TBL1X: variants seen among roughly 807,000 people sequenced by gnomAD.
TBL1X encodes transducin beta like 1 X-linked.
Under a neutral mutation model 50.7 loss-of-function variants are expected in TBL1X, and 10 were observed. The ratio of observed to expected loss-of-function variants is 0.20; its 90% CI spans 0.12 to 0.33. The LOEUF is 0.33. Ranked by LOEUF, TBL1X falls within the 10% of genes least tolerant of loss-of-function variation. The pLI is 1.00. For synonymous variants in TBL1X, 190 were observed against 214.7 expected, an observed-to-expected ratio of 0.88 and a Z score of 1.01; for missense variants, 340 against 504.4, an observed-to-expected ratio of 0.67 and a Z score of 3.12.
At chrX:9,533,309 G>A (rs755071312) in intron 2 of TBL1X, among the ~76,000 whole-genome samples, 1 of 110,851 alleles carries the variant, frequency 9.0e-6, no homozygotes, top group Non-Finnish European at 1.9e-5. Flanking sequence ...CGCACCCTTC[G>A]GCCTGCTTTT....
intron 2 of TBL1X, among the ~76,000 whole-genome samples, chrX:9,564,647 C>A (rs778339355): frequency 9.1e-6 from 1 of 109,599 alleles, no homozygotes; most frequent in Admixed American, 9.7e-5. Flanking sequence ...GCAGGAGAAT[C>A]GCTTGAACCC....
intron 3 of TBL1X, among the ~76,000 whole-genome samples, chrX:9,643,459 A>C (rs988441013): frequency 2.7e-5 from 3 of 111,653 alleles, no homozygotes; most frequent in African/African-American, 9.8e-5. Flanking sequence ...CATAAGTGTA[A>C]GGATGGTTGG....
intron 12 of TBL1X, among the ~76,000 whole-genome samples, chrX:9,701,922 G>C (rs1265554301): frequency 1.8e-5 from 2 of 112,105 alleles, no homozygotes; most frequent in Admixed American, 9.5e-5. Flanking sequence ...GATGATCTCA[G>C]ATGTGGAAAA....
intron 2 of TBL1X, among the ~76,000 whole-genome samples, chrX:9,585,381 C>G (rs1327121205): frequency 2.2e-5 from 2 of 92,528 alleles, no homozygotes; most frequent in Non-Finnish European, 4.2e-5. Flanking sequence ...AGATCACAGG[C>G]CGTCTCTAGG....
chrX:9,697,872 C>A (rs369625850), intron 12 of TBL1X, among the ~76,000 whole-genome samples: 30 of 111,427 alleles, frequency 2.7e-4, no homozygotes, highest in East Asian at 1.4e-3. Flanking sequence ...TCACTTGAGC[C>A]CAGGGGTTCT....
intron 5 of TBL1X, among the ~76,000 whole-genome samples, chrX:9,668,790 G>A (rs187304544): frequency 3.6e-5 from 4 of 111,561 alleles, no homozygotes; most frequent in South Asian, 3.8e-4. Context: ...TCAGGAAAAC[G>A]CCTCATACCT....
intron 2 of TBL1X, among the ~76,000 whole-genome samples, chrX:9,539,844 A>G (rs2146980901): frequency 8.9e-6 from 1 of 112,185 alleles, no homozygotes; most frequent in African/African-American, 3.2e-5. Context: ...TGGTCAGGGC[A>G]TGCCCCACCA....
intron 12 of TBL1X, among the ~76,000 whole-genome samples, chrX:9,699,793 G>A (rs946340527): frequency 4.5e-5 from 5 of 111,905 alleles, no homozygotes; most frequent in African/African-American, 1.3e-4. Flanking sequence ...CAGGGAGGAC[G>A]CTGTTTCTGC....
intron 2 of TBL1X, among the ~76,000 whole-genome samples, chrX:9,523,216 C>T (rs923769267): frequency 8.9e-5 from 10 of 112,144 alleles, no homozygotes; most frequent in Non-Finnish European, 1.9e-4. Flanking sequence ...TCAGCTGTCA[C>T]CCTTTCACCC....
In TBL1X at chrX:9,669,604, A is replaced by G. The variant is rs181634593; in HGVS notation, c.212-14439A>G. 1.5e-4 allele frequency among the ~76,000 whole-genome samples: 17 copies of G among 111,367 alleles called. No individual in the cohort carries two copies. The East Asian group carries it at 1.7e-3, about 11-fold the overall frequency. On this transcript the variant is annotated intron_variant, in intron 5 of 17. Transcript: ENST00000645353. The stretch of plus-strand genomic sequence containing the variant: ...ACCTTATAGCTCACTGTTCACTTCA[A>G]TGCTGTGCCAAAACTACAGATGACC...
At chrX:9,676,077 G>A (rs1435874538) in intron 5 of TBL1X, among the ~76,000 whole-genome samples, 1 of 111,885 alleles carries the variant, frequency 8.9e-6, no homozygotes, top group Non-Finnish European at 1.9e-5. Context: ...AGTGTGATTT[G>A]CAATGGTGCT....
At chrX:9,468,622 A>G (rs1462855488) in intron 1 of TBL1X, among the ~76,000 whole-genome samples, 1 of 111,053 alleles carries the variant, frequency 9.0e-6, no homozygotes, top group East Asian at 2.8e-4. Context: ...GGGGACAGCT[A>G]TGAGGGAAAC....
intron 5 of TBL1X, among the ~76,000 whole-genome samples, chrX:9,656,719 T>G (rs1044217256): frequency 2.4e-4 from 27 of 112,708 alleles, no homozygotes; most frequent in African/African-American, 8.7e-4. Context: ...CTTCTTCAGC[T>G]CACTGTGTGT....
At chrX:9,491,338 A>ATATTTT (rs1328551249) in intron 1 of TBL1X, among the ~76,000 whole-genome samples, 30 of 31,291 alleles carry the variant, frequency 9.6e-4, no homozygotes, top group Admixed American at 1.2e-3. Context: ...ATATATATAT[A>ATATTTT]TTTTTTTTTT....
intron 2 of TBL1X, chrX:9,534,786 C>CT (rs1227906180): frequency 3.6e-5 from 4 of 111,231 alleles, no homozygotes; most frequent in African/African-American, 1.3e-4. Flanking sequence ...TCCCCCCTCT[C>CT]TGAGTGTAGG....
Position 9,718,815 on chromosome X carries a change from G to A in TBL1X, c.*2569G>A. ...GTCGGAATTGTTAGGTAGAAACCTG[G>A]GCTGGGAGGCCTCGGACCCCAGGCT... On this transcript the variant is annotated 3_prime_UTR_variant, in exon 18 of 18. Transcript: ENST00000645353. The A allele has an allele frequency of 8.9e-6, 1 of 111,908 alleles. No individual in the cohort carries two copies. Among genetic ancestry groups the A allele is most frequent in the East Asian group, 2.8e-4 (1 of 3,553 alleles). 9.2% of individuals were successfully genotyped at this position (111,908 alleles called of 1,213,427 possible).
At chrX:9,523,464 A>G (rs2082116403) in intron 2 of TBL1X, among the ~76,000 whole-genome samples, 1 of 111,316 alleles carries the variant, frequency 9.0e-6, no homozygotes, top group South Asian at 3.8e-4. Context: ...ACTGGACCAT[A>G]TGAGGCCACG....
chrX:9,540,994 C>T (rs1297884143), intron 2 of TBL1X, among the ~76,000 whole-genome samples: 3 of 111,895 alleles, frequency 2.7e-5, no homozygotes, highest in Non-Finnish European at 5.6e-5. Context: ...AGTCAGAATT[C>T]ACTTTTTGTT....
At chrX:9,499,249 G>T (rs953653078) in intron 1 of TBL1X, among the ~76,000 whole-genome samples, 8 of 111,904 alleles carry the variant, frequency 7.1e-5, no homozygotes, top group African/African-American at 2.6e-4. Context: ...CTGAAAGAGG[G>T]TCATAGATTG....
Sources: allele counts gnomAD v4.1 joint callset (sites outside exome capture counted in the v4.1 genomes callset), GRCh38; gene constraint gnomAD v4.1.1; transcripts MANE v1.5; gene names NCBI Gene and HGNC (gene_info 2026-07-23, HGNC 2026-07-21).